Variants in TBC1D5 observed in about 807,000 individuals in gnomAD.
The protein encoded by TBC1D5 is TBC1 domain family member 5.
Under a neutral mutation model 100.3 loss-of-function variants are expected in TBC1D5, and 75 were observed. The observed-to-expected ratio is 0.75, with a 90% CI of 0.62 to 0.91. The LOEUF (loss-of-function observed/expected upper bound fraction) is 0.91, where lower values mean the gene tolerates loss of function less well. TBC1D5 is among the 40% of genes least tolerant of loss of function. TBC1D5 has a pLI of 0.00. For synonymous variants in TBC1D5, 323 were observed against 325.6 expected (o/e 0.99, Z 0.09); for missense variants, 910 against 942.4 (o/e 0.97, Z 0.45).
At chr3:17,168,496 T>C (rs766499435) in intron 19 of TBC1D5, among the ~76,000 whole-genome samples, 1 of 152,086 alleles carries the variant, frequency 6.6e-6, no homozygotes, top group African/African-American at 2.4e-5. Flanking sequence ...TGCTTGCCTG[T>C]TGGTATGTTA....
chr3:17,366,063 G>A (rs1158250136), intron 13 of TBC1D5, among the ~76,000 whole-genome samples: 4 of 152,158 alleles, frequency 2.6e-5, no homozygotes, highest in African/African-American at 9.7e-5. Context: ...GCCAAGGCAG[G>A]CAGATCACCT....
chr3:17,317,004 A>G (rs1018282622), intron 13 of TBC1D5, among the ~76,000 whole-genome samples: 9 of 152,156 alleles, frequency 5.9e-5, no homozygotes, highest in South Asian at 2.1e-4. Flanking sequence ...AAAATTACTC[A>G]AAATAAAATT....
intron 1 of TBC1D5, among the ~76,000 whole-genome samples, chr3:17,705,218 CGG>C (rs2073923480): frequency 1.1e-5 from 1 of 92,792 alleles, no homozygotes; most frequent in Non-Finnish European, 2.3e-5. Context: ...ACCTCCCTCC[CGG>C]ACGGCACGGC....
chr3:17,384,778 A>G (rs2093084471), intron 8 of TBC1D5, among the ~76,000 whole-genome samples: 1 of 152,104 alleles, frequency 6.6e-6, no homozygotes, highest in African/African-American at 2.4e-5. Flanking sequence ...AATCAGAAGG[A>G]AAAGACAATT....
At chr3:17,519,112 G>A (rs1340790812) in intron 2 of TBC1D5, 2 of 152,342 alleles carry the variant, frequency 1.3e-5, no homozygotes, top group Non-Finnish European at 2.9e-5. Flanking sequence ...AGAAAACATT[G>A]TATACCAGGG....
intron 7 of TBC1D5, among the ~76,000 whole-genome samples, 185 bp downstream of exon 7, chr3:17,404,509 T>G (rs1323946253): frequency 6.6e-6 from 1 of 152,080 alleles, no homozygotes; most frequent in Non-Finnish European, 1.5e-5. Flanking sequence ...GATCATAAAT[T>G]TTCTACAACA....
At chr3:17,452,550 T>TAGATATCCA (rs1300926601) in intron 3 of TBC1D5, among the ~76,000 whole-genome samples, 3 of 151,860 alleles carry the variant, frequency 2.0e-5, no homozygotes, top group African/African-American at 7.3e-5. Flanking sequence ...TCAGACAAAA[T>TAGATATCCA]AGATATCCAG....
chr3:17,293,687 G>A (rs576393161), intron 14 of TBC1D5, among the ~76,000 whole-genome samples: 1 of 152,258 alleles, frequency 6.6e-6, no homozygotes, highest in South Asian at 2.1e-4. Flanking sequence ...TTCATGACAG[G>A]CCCTATGCTA....
intron 18 of TBC1D5, among the ~76,000 whole-genome samples, chr3:17,202,036 T>C (rs1242813951): frequency 1.3e-5 from 2 of 152,162 alleles, no homozygotes; most frequent in Non-Finnish European, 2.9e-5. Context: ...GACAGGAAGA[T>C]GAGGGAAAGT....
intron 13 of TBC1D5, among the ~76,000 whole-genome samples, chr3:17,331,840 C>T (rs2086903127): frequency 6.6e-6 from 1 of 152,146 alleles, no homozygotes; most frequent in Admixed American, 6.5e-5. Flanking sequence ...GGCTCCATGG[C>T]AGGAACAGCT....
At chr3:17,222,506 T>C (rs993281206) in intron 17 of TBC1D5, among the ~76,000 whole-genome samples, 7 of 152,174 alleles carry the variant, frequency 4.6e-5, no homozygotes, top group Non-Finnish European at 1.0e-4. Flanking sequence ...ATTTGAATGT[T>C]AGCTTGGCTG....
intron 2 of TBC1D5, among the ~76,000 whole-genome samples, chr3:17,563,651 A>T (rs2096573706): frequency 1.3e-5 from 2 of 152,246 alleles, no homozygotes; most frequent in Admixed American, 6.5e-5. Context: ...AAATTTTAAA[A>T]AGGAAATGAG....
chr3:17,247,497 G>A (rs2076832862), intron 16 of TBC1D5, among the ~76,000 whole-genome samples: 2 of 152,294 alleles, frequency 1.3e-5, no homozygotes, highest in South Asian at 4.1e-4. Context: ...AGCCTTTAGT[G>A]AGTCTTAAGC....
chr3:17,736,695 CAA>C (rs1481128719), intron 1 of TBC1D5, among the ~76,000 whole-genome samples: 1 of 152,038 alleles, frequency 6.6e-6, no homozygotes, highest in East Asian at 1.9e-4. Flanking sequence ...GGGACACCTC[CAA>C]AGTCTCAATA....
At chr3:17,740,746 T>C (rs897720355) in exon 1 of TBC1D5, 7 of 152,070 alleles carry the variant, frequency 4.6e-5, no homozygotes, top group Non-Finnish European at 1.0e-4. Context: ...ACTCAATACT[T>C]CCTCCAATAA....
At chr3:17,337,567 T>G (rs2088124856) in intron 13 of TBC1D5, 1 of 152,172 alleles carries the variant, frequency 6.6e-6, no homozygotes, top group Non-Finnish European at 1.5e-5. Context: ...TTGAGCCTCT[T>G]GTGTCACAGT....
intron 2 of TBC1D5, among the ~76,000 whole-genome samples, chr3:17,512,573 A>G (rs985059647): frequency 1.3e-5 from 2 of 152,130 alleles, no homozygotes; most frequent in African/African-American, 4.8e-5. Flanking sequence ...TGTTCCTAGA[A>G]TTTCTCTGGC....
chr3:17,193,484 C>T (rs2070240226), intron 18 of TBC1D5, among the ~76,000 whole-genome samples: 1 of 152,040 alleles, frequency 6.6e-6, no homozygotes, highest in African/African-American at 2.4e-5. Flanking sequence ...ACATGCTTGC[C>T]GTGGGTGCGA....
At chr3:17,250,488 C>T (rs2077087763) in intron 16 of TBC1D5, among the ~76,000 whole-genome samples, 1 of 152,352 alleles carries the variant, frequency 6.6e-6, no homozygotes, top group African/African-American at 2.4e-5. Flanking sequence ...ACTATCTCTC[C>T]AACCTCATTT....
Sources: gnomAD v4.1 joint callset for allele counts (sites outside exome capture counted in the v4.1 genomes callset) on GRCh38, gnomAD v4.1.1 for gene constraint, MANE v1.5 for transcripts, NCBI Gene and HGNC (gene_info 2026-07-23, HGNC 2026-07-21) for gene names.